The following ABAT variants were observed in gnomAD, a reference collection of about 807,000 sequenced individuals.
The protein encoded by ABAT is 4-aminobutyrate aminotransferase.
In ABAT, 45 loss-of-function variants were observed where a neutral mutation model predicts 64.6. The ratio of observed to expected loss-of-function variants is 0.70; its 90% CI spans 0.55 to 0.89. The LOEUF (loss-of-function observed/expected upper bound fraction) is 0.89, where lower values mean the gene tolerates loss of function less well. Among genes scored for constraint, ABAT ranks in the 40% least tolerant of loss-of-function variants. The pLI is 0.00. For missense variants in ABAT, 633 were observed against 658.4 expected, an observed-to-expected ratio of 0.96 and a Z score of 0.42; for synonymous variants, 297 against 250.5, an observed-to-expected ratio of 1.19 and a Z score of -1.75.
intron 1 of ABAT, among the ~76,000 whole-genome samples, chr16:8,685,004 G>A (rs1214986688): frequency 6.6e-6 from 1 of 152,056 alleles, no homozygotes; most frequent in Non-Finnish European, 1.5e-5. Flanking sequence ...AATGAACAAG[G>A]CCAGGCATGG....
At chr16:8,767,753 G>A (rs2142964810) in intron 9 of ABAT, among the ~76,000 whole-genome samples, 1 of 152,258 alleles carries the variant, frequency 6.6e-6, no homozygotes, top group African/African-American at 2.4e-5. Context: ...TCGGCTCACT[G>A]CAACCTCTGT....
At chr16:8,729,431 C>T (rs547048709) in intron 1 of ABAT, among the ~76,000 whole-genome samples, 7 of 152,304 alleles carry the variant, frequency 4.6e-5, no homozygotes, top group African/African-American at 1.7e-4. Context: ...ATGTCATAAC[C>T]TCTCTGAGCC....
chr16:8,732,544 T>C (rs2058760161), intron 1 of ABAT, among the ~76,000 whole-genome samples: 1 of 151,590 alleles, frequency 6.6e-6, no homozygotes, highest in Non-Finnish European at 1.5e-5. Context: ...GGGGGTAAGG[T>C]CACAGATCAA....
At chr16:8,677,625 C>T (rs72768147) in intron 1 of ABAT, among the ~76,000 whole-genome samples, 3,622 of 152,172 alleles carry the variant, frequency 0.024, 71 homozygotes, top group South Asian at 0.081. Flanking sequence ...TATTCAGCAG[C>T]GCCTCTGGTC....
At chr16:8,745,075 C>T (rs2059291330) in intron 2 of ABAT, among the ~76,000 whole-genome samples, 1 of 152,054 alleles carries the variant, frequency 6.6e-6, no homozygotes, top group African/African-American at 2.4e-5. Context: ...CTCAACCTCT[C>T]AGGCTGAAGC....
At chr16:8,678,518 A>G (rs1321186874) in intron 1 of ABAT, among the ~76,000 whole-genome samples, 1 of 152,242 alleles carries the variant, frequency 6.6e-6, no homozygotes, top group African/African-American at 2.4e-5. Context: ...CTTCTCCACC[A>G]GGCATCAGAG....
At chr16:8,778,106 G>C (rs2060319855) in intron 14 of ABAT, among the ~76,000 whole-genome samples, 1 of 152,076 alleles carries the variant, frequency 6.6e-6, no homozygotes, top group Non-Finnish European at 1.5e-5. Context: ...AATTATTTGG[G>C]GTTTTCCAAG....
At chr16:8,779,653 A>G in intron 15 of ABAT, 63 bp downstream of exon 15, 1 of 1,362,026 alleles carries the variant, frequency 7.3e-7, no homozygotes, top group Non-Finnish European at 1.0e-6. Context: ...TGTAGCTGCC[A>G]CATGTTGCTA....
At position 8,748,115 on chromosome 16, in the gene ABAT, T is replaced by C. The variant is rs1036861243; in HGVS notation, c.176T>C (p.Met59Thr). The change falls in exon 4 of 16, where the codon ATG becomes ACG. Residue 59 changes from methionine to threonine, a missense_variant. Met to Thr is a moderately conservative substitution (Grantham distance 81). Transcript: ENST00000268251. ...TGTTGTTCTTGCCTGCAGGAGTTAA[T>C]GAAACAGCTGAATATAATTCAGGTA... ...EVPGPRSQELMKQLNIIQNAE... is the reference protein window; with the variant it reads ...EVPGPRSQELTKQLNIIQNAE... The C allele has an allele frequency of 1.2e-6, 2 of 1,613,568 alleles. No homozygotes were observed. Among genetic ancestry groups the C allele is most frequent in the Admixed American group, 1.7e-5 (1 of 59,990 alleles).
intron 1 of ABAT, among the ~76,000 whole-genome samples, chr16:8,729,828 T>TAAAAAA (rs5815494): frequency 4.7e-5 from 6 of 128,450 alleles, no homozygotes; most frequent in Non-Finnish European, 8.0e-5. Flanking sequence ...TTTTTTGTCT[T>TAAAAAA]AAAAAAAAAA....
chr16:8,681,458 C>CAT (rs550661995), intron 1 of ABAT, among the ~76,000 whole-genome samples: 2 of 133,732 alleles, frequency 1.5e-5, no homozygotes, highest in Non-Finnish European at 3.2e-5. Flanking sequence ...AGCCTCTACA[C>CAT]TTTTTTTTTT....
At chr16:8,769,279 A>C (rs116221861) in intron 11 of ABAT, among the ~76,000 whole-genome samples, 385 of 152,302 alleles carry the variant, frequency 2.5e-3, no homozygotes, top group African/African-American at 8.9e-3. Context: ...CAGTTGAAAG[A>C]ATATGGGGCT....
intron 1 of ABAT, among the ~76,000 whole-genome samples, chr16:8,721,334 T>C (rs1403457307): frequency 6.6e-6 from 1 of 152,088 alleles, no homozygotes; most frequent in Admixed American, 6.5e-5. Flanking sequence ...TGAAGTCCTG[T>C]GGTCATATGC....
intron 1 of ABAT, among the ~76,000 whole-genome samples, chr16:8,688,828 A>T (rs1348860483): frequency 6.6e-6 from 1 of 152,228 alleles, no homozygotes; most frequent in Non-Finnish European, 1.5e-5. Flanking sequence ...CTGTAATCCC[A>T]ACACTTTGGG....
intron 1 of ABAT, among the ~76,000 whole-genome samples, chr16:8,709,498 A>G (rs1479593860): frequency 1.3e-5 from 2 of 152,028 alleles, no homozygotes; most frequent in African/African-American, 4.8e-5. Flanking sequence ...TTCAACCTCC[A>G]GAGTATCAGG....
At chr16:8,734,778 G>C (rs928088078) in intron 1 of ABAT, among the ~76,000 whole-genome samples, 2 of 152,050 alleles carry the variant, frequency 1.3e-5, no homozygotes, top group African/African-American at 2.4e-5. Context: ...CAGGTTTTTA[G>C]CAGAAAGATG....
At chr16:8,718,693 G>A (rs1001689049) in intron 1 of ABAT, among the ~76,000 whole-genome samples, 15 of 152,196 alleles carry the variant, frequency 9.9e-5, no homozygotes, top group African/African-American at 3.6e-4. Flanking sequence ...CAGTCAGGGG[G>A]CAGGGTTTTA....
chr16:8,756,982 CG>C (rs2059665961), intron 5 of ABAT, among the ~76,000 whole-genome samples: 2 of 152,090 alleles, frequency 1.3e-5, no homozygotes. Context: ...ATGAGGCATG[CG>C]GGTCACAGAT....
At chr16:8,753,784 A>T (rs945550750) in intron 5 of ABAT, among the ~76,000 whole-genome samples, 62 of 152,100 alleles carry the variant, frequency 4.1e-4, no homozygotes, top group African/African-American at 1.5e-3. Context: ...AATGTTAACC[A>T]CCTTGGTCCC....
Sources: allele counts gnomAD v4.1 joint callset (sites outside exome capture counted in the v4.1 genomes callset), GRCh38; gene constraint gnomAD v4.1.1; transcripts MANE v1.5; gene names NCBI Gene and HGNC (gene_info 2026-07-23, HGNC 2026-07-21).